The following MYRIP variants were observed in gnomAD, a reference collection of about 807,000 sequenced individuals.
The protein encoded by MYRIP is myosin VIIA and Rab interacting protein.
Under a neutral mutation model 98.0 loss-of-function variants are expected in MYRIP, and 49 were observed. The ratio of observed to expected loss-of-function variants is 0.50; its 90% confidence interval spans 0.40 to 0.63. The LOEUF (loss-of-function observed/expected upper bound fraction) is 0.63. Among genes scored for constraint, MYRIP ranks in the 30% least tolerant of loss-of-function variants. The pLI is 0.00. For missense variants in MYRIP, 1,004 were observed against 1,058.2 expected (o/e 0.95, Z 0.71); for synonymous variants, 404 against 409.5 (o/e 0.99, Z 0.16).
chr3:39,999,180 G>A (rs976645959), intron 2 of MYRIP, among the ~76,000 whole-genome samples: 5 of 152,166 alleles, frequency 3.3e-5, no homozygotes, highest in African/African-American at 1.2e-4. Flanking sequence ...TGACAAATGG[G>A]TTCTAATTAA....
At chr3:40,006,671 T>C (rs1401770814) in intron 2 of MYRIP, among the ~76,000 whole-genome samples, 1 of 152,180 alleles carries the variant, frequency 6.6e-6, no homozygotes, top group African/African-American at 2.4e-5. Flanking sequence ...TCATGTTAAA[T>C]GTTGATTATG....
At chr3:40,111,144 C>T (rs942687957) in intron 3 of MYRIP, among the ~76,000 whole-genome samples, 2 of 152,024 alleles carry the variant, frequency 1.3e-5, no homozygotes, top group Non-Finnish European at 2.9e-5. Flanking sequence ...AGGACATTGC[C>T]GGTGGTCAGG....
chr3:40,165,812 C>T lies in MYRIP; in HGVS notation c.551-1034C>T, dbSNP rs563346011. ...ATGGTAGCACTATATTTTTTAATCACGTTAGCTTGTATTCATCTCAGTTTT... is the reference window on the plus strand; with the variant it reads ...ATGGTAGCACTATATTTTTTAATCATGTTAGCTTGTATTCATCTCAGTTTT... On this transcript the variant is annotated intron_variant, in intron 5 of 16. Transcript: ENST00000302541. Among the ~76,000 whole-genome samples the T allele has an allele frequency of 2.7e-4, 40 of 150,320 alleles. No individual in the cohort carries two copies. The South Asian group carries it at 8.2e-3, about 31-fold the overall frequency.
chr3:39,845,398 A>G (rs899709283), intron 1 of MYRIP, among the ~76,000 whole-genome samples: 4 of 152,170 alleles, frequency 2.6e-5, no homozygotes, highest in African/African-American at 9.7e-5. Flanking sequence ...TACTATTTAT[A>G]TACATTTTAT....
intron 2 of MYRIP, among the ~76,000 whole-genome samples, chr3:40,031,862 A>G (rs1243044694): frequency 1.3e-5 from 2 of 151,920 alleles, no homozygotes; most frequent in Non-Finnish European, 2.9e-5. Context: ...TATTGCGTCT[A>G]TTTGATTCTT....
intron 2 of MYRIP, among the ~76,000 whole-genome samples, chr3:39,993,144 A>T (rs1024468941): frequency 6.6e-6 from 1 of 152,178 alleles, no homozygotes; most frequent in Non-Finnish European, 1.5e-5. Context: ...GTGTCATCCC[A>T]TGACAGAAAG....
At chr3:40,039,024 G>T (rs948020879) in intron 2 of MYRIP, among the ~76,000 whole-genome samples, 7 of 152,188 alleles carry the variant, frequency 4.6e-5, no homozygotes, top group African/African-American at 1.7e-4. Flanking sequence ...AAAGGTGGTG[G>T]CTGAGGGCTT....
intron 3 of MYRIP, 48 bp from the exon 4 acceptor site, chr3:40,151,000 A>G: frequency 6.8e-7 from 1 of 1,479,654 alleles, no homozygotes; most frequent in East Asian, 2.5e-5. Flanking sequence ...TTTGCAATTC[A>G]CCATTTAATA....
intron 3 of MYRIP, among the ~76,000 whole-genome samples, chr3:40,122,903 T>C (rs752764198): frequency 1.4e-4 from 22 of 152,160 alleles, no homozygotes; most frequent in Non-Finnish European, 2.8e-4. Flanking sequence ...GGTTCAGAGA[T>C]ACATATGCAG....
At chr3:39,883,038 A>G (rs1169601842) in intron 1 of MYRIP, among the ~76,000 whole-genome samples, 1 of 152,214 alleles carries the variant, frequency 6.6e-6, no homozygotes, top group Non-Finnish European at 1.5e-5. Flanking sequence ...ATTGGGCCAG[A>G]GCCCATTATG....
At position 39,878,900 on chromosome 3, in the gene MYRIP, CAAA is replaced by C. The variant is rs140566973; in HGVS notation, c.-30-21872_-30-21870del. ...TGAAACCTCGTCTCTACTAAAAATA[CAAA>C]AAAAAAAAAAAAAATAGCTGGGCAT... On this transcript the variant is annotated intron_variant, in intron 1 of 16. Coordinates refer to ENST00000302541, the MANE Select transcript of MYRIP (RefSeq NM_015460.4). Among the ~76,000 whole-genome samples the C allele has an allele frequency of 4.8e-3, 597 of 123,950 alleles. 1 individual carries two copies. The highest frequency in any genetic ancestry group is 0.041 in the South Asian group (161 of 3,906). 81.3% of individuals were successfully genotyped at this position (123,950 alleles called of 152,430 possible).
At chr3:40,181,773 T>C (rs1216426036) in intron 8 of MYRIP, among the ~76,000 whole-genome samples, 2 of 152,178 alleles carry the variant, frequency 1.3e-5, no homozygotes, top group African/African-American at 4.8e-5. Context: ...TTTCCTTCCT[T>C]TAATTTAGGA....
chr3:40,134,903 G>A (rs1018210448), intron 3 of MYRIP, among the ~76,000 whole-genome samples: 7 of 152,248 alleles, frequency 4.6e-5, no homozygotes, highest in Non-Finnish European at 5.9e-5. Context: ...CATCAAAAAC[G>A]AAATGTAGAT....
chr3:39,822,181 A>C (rs967157419), intron 1 of MYRIP, among the ~76,000 whole-genome samples: 1 of 152,140 alleles, frequency 6.6e-6, no homozygotes, highest in Non-Finnish European at 1.5e-5. Flanking sequence ...TTATATTTTT[A>C]AGTTGACATA....
At chr3:39,921,579 T>C (rs76862751) in intron 2 of MYRIP, among the ~76,000 whole-genome samples, 47 of 152,264 alleles carry the variant, frequency 3.1e-4, no homozygotes, top group African/African-American at 1.1e-3. Flanking sequence ...TCCAGGTACA[T>C]TGTAAAGATG....
intron 3 of MYRIP, among the ~76,000 whole-genome samples, chr3:40,095,424 T>G (rs1246171705): frequency 6.6e-6 from 1 of 152,108 alleles, no homozygotes; most frequent in African/African-American, 2.4e-5. Flanking sequence ...AGTGTCATAC[T>G]TCCAGACACC....
intron 2 of MYRIP, among the ~76,000 whole-genome samples, chr3:39,901,954 T>C (rs1359786573): frequency 2.0e-5 from 3 of 152,086 alleles, no homozygotes; most frequent in Non-Finnish European, 2.9e-5. Context: ...CAATCCCTTT[T>C]TGGTGGTAGG....
chr3:40,207,780 C>T (rs1171745233), intron 10 of MYRIP, among the ~76,000 whole-genome samples: 1 of 152,160 alleles, frequency 6.6e-6, no homozygotes, highest in Non-Finnish European at 1.5e-5. Context: ...ATTTACTCAT[C>T]AATTCTTGAG....
At chr3:40,140,914 T>C (rs893825600) in intron 3 of MYRIP, among the ~76,000 whole-genome samples, 2 of 152,238 alleles carry the variant, frequency 1.3e-5, no homozygotes, top group Non-Finnish European at 2.9e-5. Context: ...ACTTACAATC[T>C]AATTTTATGA....
Sources: allele counts gnomAD v4.1 joint callset (sites outside exome capture counted in the v4.1 genomes callset), GRCh38; gene constraint gnomAD v4.1.1; transcripts MANE v1.5; gene names NCBI Gene and HGNC (gene_info 2026-07-23, HGNC 2026-07-21).